Variants in KIF5C observed in about 807,000 individuals in gnomAD.
KIF5C encodes kinesin family member 5C.
KIF5C carries 18 observed loss-of-function variants against 125.2 expected under a neutral mutation model. The observed-to-expected ratio is 0.14, with a 90% CI of 0.10 to 0.21. The LOEUF (loss-of-function observed/expected upper bound fraction) is 0.21, where lower values mean the gene tolerates loss of function less well. Among genes scored for constraint, KIF5C ranks in the 10% least tolerant of loss-of-function variants. The pLI, the probability that KIF5C is intolerant of heterozygous loss-of-function variation, is 1.00. For missense variants in KIF5C, 780 were observed against 1,183.8 expected (o/e 0.66, Z 5.01); for synonymous variants, 405 against 434.0 (o/e 0.93, Z 0.83).
chr2:149,018,421 G>A lies in KIF5C; in HGVS notation c.*8-4657G>A, dbSNP rs114457404. ...TCCTCATTCTACATCCCAAAGAGGC[G>A]GGATGAGCTGTCAAGATCCCATAAC... On this transcript the variant is annotated intron_variant, in intron 25 of 25. Transcript: ENST00000435030. Among the ~76,000 whole-genome samples the A allele has an allele frequency of 7.4e-3, 1,134 of 152,290 alleles. 10 individuals are homozygous for A. Among genetic ancestry groups the A allele is most frequent in the African/African-American group, 0.026 (1,080 of 41,546 alleles).
chr2:148,935,841 A>C (rs1682279222), intron 3 of KIF5C, among the ~76,000 whole-genome samples: 1 of 152,224 alleles, frequency 6.6e-6, no homozygotes, highest in African/African-American at 2.4e-5. Context: ...TCTTGTAAGC[A>C]ATGGAGAGAA....
At chr2:148,926,060 G>A (rs1369323800) in intron 2 of KIF5C, among the ~76,000 whole-genome samples, 1 of 152,200 alleles carries the variant, frequency 6.6e-6, no homozygotes, top group Non-Finnish European at 1.5e-5. Context: ...CATTTCCCCT[G>A]GAGAGTCGGT....
chr2:149,026,163 T>C lies in KIF5C; in HGVS notation c.*3093T>C, dbSNP rs1484770293. 6.6e-6 allele frequency: 1 copy of C among 152,540 alleles called. No homozygotes were observed. The highest frequency in any genetic ancestry group is 2.4e-5 in the African/African-American group (1 of 41,426). 9.4% of individuals were successfully genotyped at this position (152,540 alleles called of 1,614,324 possible). A position where few individuals can be genotyped will look rare whatever the true frequency, so the allele number is the denominator to read the frequency against. On this transcript the variant is annotated 3_prime_UTR_variant, in exon 26 of 26. Coordinates refer to ENST00000435030, the MANE Select transcript of KIF5C (RefSeq NM_004522.3). Reference sequence around the variant, plus strand: ...ACATTTGGACTCTAGCTATATGACATACTGGGAAAGGCAGAGGGTGGAGGG... The same window carrying C: ...ACATTTGGACTCTAGCTATATGACACACTGGGAAAGGCAGAGGGTGGAGGG...
chr2:148,883,990 T>A (rs537870995), intron 1 of KIF5C: 4 of 152,210 alleles, frequency 2.6e-5, no homozygotes, highest in Non-Finnish European at 4.4e-5. Context: ...GTCTTCTGTT[T>A]TATAGTCTCA....
intron 1 of KIF5C, among the ~76,000 whole-genome samples, chr2:148,877,560 C>T (rs1681227252): frequency 6.6e-6 from 1 of 152,238 alleles, no homozygotes; most frequent in East Asian, 1.9e-4. Flanking sequence ...CTTTCTGAGC[C>T]AGGCTGTGGT....
intron 12 of KIF5C, among the ~76,000 whole-genome samples, chr2:148,977,070 T>C (rs968978553): frequency 6.6e-6 from 1 of 152,082 alleles, no homozygotes; most frequent in South Asian, 2.1e-4. Context: ...TGAAAGACTT[T>C]AAAAAAAATC....
chr2:148,985,214 C>T (rs1388913624), intron 15 of KIF5C, among the ~76,000 whole-genome samples: 2 of 152,002 alleles, frequency 1.3e-5, no homozygotes, highest in African/African-American at 4.8e-5. Flanking sequence ...ATGGTATCAG[C>T]CCAGAACAGG....
chr2:148,946,263 T>C (rs1682518428), intron 7 of KIF5C, among the ~76,000 whole-genome samples: 1 of 152,188 alleles, frequency 6.6e-6, no homozygotes, highest in African/African-American at 2.4e-5. Flanking sequence ...TGATTGCTGG[T>C]GAAGGCTGAA....
intron 5 of KIF5C, 115 bp from the exon 6 acceptor site, chr2:148,941,820 A>C (rs978286271): frequency 1.4e-6 from 2 of 1,468,334 alleles, no homozygotes; most frequent in African/African-American, 2.8e-5. Context: ...TTAAACTTGC[A>C]TATTGCAAAG....
intron 1 of KIF5C, among the ~76,000 whole-genome samples, chr2:148,899,931 G>A (rs1055488799): frequency 6.6e-6 from 1 of 152,096 alleles, no homozygotes; most frequent in Non-Finnish European, 1.5e-5. Context: ...AATGATTTCA[G>A]ATCTCATGGA....
chr2:148,967,335 C>T (rs1015043826), intron 11 of KIF5C, among the ~76,000 whole-genome samples: 6 of 152,186 alleles, frequency 3.9e-5, no homozygotes, highest in Non-Finnish European at 7.4e-5. Flanking sequence ...CAACAGGCTC[C>T]GACAAGTGTA....
At chr2:148,978,869 A>G in intron 12 of KIF5C, 53 bp from the exon 13 acceptor site, 1 of 1,540,986 alleles carries the variant, frequency 6.5e-7, no homozygotes, top group South Asian at 1.3e-5. Flanking sequence ...GGAGACTGGG[A>G]TATCAAAAAT....
At chr2:148,893,716 T>C (rs1348671015) in intron 1 of KIF5C, among the ~76,000 whole-genome samples, 1 of 152,250 alleles carries the variant, frequency 6.6e-6, no homozygotes, top group Non-Finnish European at 1.5e-5. Flanking sequence ...TGATTCCGAA[T>C]GGGTACACAT....
intron 5 of KIF5C, 59 bp from the exon 6 acceptor site, chr2:148,941,876 A>G: frequency 1.3e-6 from 2 of 1,583,684 alleles, no homozygotes; most frequent in Non-Finnish European, 1.7e-6. Context: ...TTTTTCCTCC[A>G]ATATAGAGTC....
At chr2:148,916,952 C>T (rs1233392206) in intron 1 of KIF5C, among the ~76,000 whole-genome samples, 1 of 152,104 alleles carries the variant, frequency 6.6e-6, no homozygotes, top group East Asian at 1.9e-4. Flanking sequence ...ATAAAACATG[C>T]TGATGGGTTG....
intron 1 of KIF5C, among the ~76,000 whole-genome samples, chr2:148,897,498 C>G (rs542488852): frequency 4.6e-5 from 7 of 152,194 alleles, no homozygotes; most frequent in African/African-American, 1.7e-4. Context: ...TAAAAGTATG[C>G]GATATTTATT....
chr2:148,912,853 T>C (rs888345246), intron 1 of KIF5C, among the ~76,000 whole-genome samples: 2 of 152,346 alleles, frequency 1.3e-5, no homozygotes, highest in African/African-American at 2.4e-5. Context: ...ACTGAGATGA[T>C]GTACCCTGGG....
At chr2:148,935,234 C>T (rs1037379391) in intron 3 of KIF5C, among the ~76,000 whole-genome samples, 5 of 152,176 alleles carry the variant, frequency 3.3e-5, no homozygotes, top group Non-Finnish European at 7.3e-5. Context: ...GATGTCAGCA[C>T]TTGTATAAGC....
At chr2:149,006,869 G>A (rs541944901) in intron 22 of KIF5C, among the ~76,000 whole-genome samples, 1 of 152,276 alleles carries the variant, frequency 6.6e-6, no homozygotes, top group South Asian at 2.1e-4. Context: ...GACTGAAAAG[G>A]TTCAGTCCGA....
Sources: allele counts gnomAD v4.1 joint callset (sites outside exome capture counted in the v4.1 genomes callset), GRCh38; gene constraint gnomAD v4.1.1; transcripts MANE v1.5; gene names NCBI Gene and HGNC (gene_info 2026-07-23, HGNC 2026-07-21).